MUCL1: variants seen among roughly 807,000 people sequenced by gnomAD.
MUCL1 encodes the protein mucin-like protein 1.
Under a neutral mutation model 9.2 loss-of-function variants are expected in MUCL1, and 11 were observed. The observed-to-expected ratio is 1.19, with a 90% confidence interval of 0.75 to 1.97. The LOEUF (loss-of-function observed/expected upper bound fraction) is 1.97, where lower values mean the gene tolerates loss of function less well. MUCL1 is among the 30% of genes most tolerant of loss of function. The probability of loss-of-function intolerance (pLI) is 0.00; values close to 1 mark genes in which losing one functional copy is unlikely to be tolerated. For missense variants in MUCL1, 144 were observed against 110.9 expected (o/e 1.30, Z -1.34); for synonymous variants, 48 against 40.5 (o/e 1.19, Z -0.71).
chr12:54,833,697 C>T (rs1959188492), intron 1 of MUCL1, among the ~76,000 whole-genome samples: 1 of 151,936 alleles, frequency 6.6e-6, no homozygotes, highest in Admixed American at 6.6e-5. Context: ...TGGAAACCAT[C>T]ATTCTCAGCA....
chr12:54,854,422 A>G (rs2306851), upstream of MUCL1: 116,748 of 578,030 alleles, frequency 0.2, 12,668 homozygotes, highest in Middle Eastern at 0.24. Flanking sequence ...TTGTGTCCCA[A>G]CGTTTCCTGG....
At chr12:54,853,037 C>T (rs145053144), upstream of MUCL1, among the ~76,000 whole-genome samples, 125 of 152,250 alleles carry the variant, frequency 8.2e-4, 3 homozygotes, top group Admixed American at 7.3e-3. Flanking sequence ...CTCTGCCTTT[C>T]TTCATTCACC....
At chr12:54,852,967 C>T (rs1330582986), upstream of MUCL1, among the ~76,000 whole-genome samples, 1 of 152,108 alleles carries the variant, frequency 6.6e-6, no homozygotes, top group Admixed American at 6.6e-5. Context: ...TATGAGTTTA[C>T]CCAGGACAAG....
upstream of MUCL1, among the ~76,000 whole-genome samples, chr12:54,853,479 C>T (rs191976720): frequency 1.2e-4 from 18 of 152,316 alleles, no homozygotes; most frequent in East Asian, 7.7e-4. Context: ...ATGCACTCAC[C>T]ATTGCTTTCC....
chr12:54,843,154 G>A lies in MUCL1; in HGVS notation c.43+3707G>A, dbSNP rs578004111. 7.9e-5 allele frequency among the ~76,000 whole-genome samples: 12 copies of A among 152,252 alleles called. No homozygotes were observed. The East Asian group carries it at 1.2e-3, about 15-fold the overall frequency. On this transcript the variant is annotated intron_variant, in intron 1 of 3. Transcript: ENST00000546809. ...TGAAATCACCTAATCACCTAATGATGTATTTCTCAGGATGTATTCCCATCA... is the reference window on the plus strand; with the variant it reads ...TGAAATCACCTAATCACCTAATGATATATTTCTCAGGATGTATTCCCATCA...
intron 1 of MUCL1, among the ~76,000 whole-genome samples, chr12:54,847,870 G>A (rs1959279309): frequency 6.6e-6 from 1 of 152,010 alleles, no homozygotes; most frequent in Non-Finnish European, 1.5e-5. Context: ...CATGCTTGGG[G>A]CACACATTCA....
intron 1 of MUCL1, among the ~76,000 whole-genome samples, chr12:54,847,664 G>T (rs1959276061): frequency 6.6e-6 from 1 of 152,006 alleles, no homozygotes; most frequent in South Asian, 2.1e-4. Context: ...GAAAGAAAGA[G>T]ACAAGCAAAT....
chr12:54,841,456 A>G (rs1959211094), intron 1 of MUCL1, among the ~76,000 whole-genome samples: 1 of 152,158 alleles, frequency 6.6e-6, no homozygotes, highest in Non-Finnish European at 1.5e-5. Context: ...TTTCACTCCT[A>G]CAAACAGTAT....
chr12:54,832,828 A>G (rs1024426259), intron 1 of MUCL1, among the ~76,000 whole-genome samples: 4 of 152,122 alleles, frequency 2.6e-5, no homozygotes, highest in Non-Finnish European at 4.4e-5. Context: ...CCTAGGTTAC[A>G]TTTGTATAGG....
chr12:54,839,970 C>G (rs1247680407), intron 1 of MUCL1, among the ~76,000 whole-genome samples: 2 of 152,168 alleles, frequency 1.3e-5, no homozygotes, highest in Admixed American at 1.3e-4. Flanking sequence ...AGTTCTGGGA[C>G]TCAAGGCCTG....
At chr12:54,856,001 G>C (rs1012352527) in intron 2 of MUCL1, among the ~76,000 whole-genome samples, 3 of 152,224 alleles carry the variant, frequency 2.0e-5, no homozygotes, top group Non-Finnish European at 4.4e-5. Flanking sequence ...ACTCACAAAT[G>C]TGGGGCCTGA....
chr12:54,848,404 T>C (rs770398758), intron 1 of MUCL1, among the ~76,000 whole-genome samples: 4 of 152,184 alleles, frequency 2.6e-5, no homozygotes, highest in Admixed American at 6.5e-5. Flanking sequence ...TTATCACAGT[T>C]ATAAGATGAC....
At chr12:54,843,857 G>GT (rs980535848) in intron 1 of MUCL1, among the ~76,000 whole-genome samples, 2 of 152,164 alleles carry the variant, frequency 1.3e-5, no homozygotes, top group Non-Finnish European at 2.9e-5. Context: ...ATACATTTAT[G>GT]TTTTTTGAAG....
At chr12:54,836,250 T>C (rs746569279), upstream of MUCL1, among the ~76,000 whole-genome samples, 14 of 152,216 alleles carry the variant, frequency 9.2e-5, no homozygotes, top group Non-Finnish European at 1.9e-4. Context: ...ACTTTTAAAT[T>C]ACTAATTCAG....
chr12:54,839,647 G>A (rs932289018), intron 1 of MUCL1, among the ~76,000 whole-genome samples: 1 of 152,146 alleles, frequency 6.6e-6, no homozygotes, highest in Non-Finnish European at 1.5e-5. Context: ...GATCAGACAG[G>A]TACCTCTTTT....
chr12:54,847,533 T>C (rs573511398), intron 1 of MUCL1, among the ~76,000 whole-genome samples: 1 of 152,282 alleles, frequency 6.6e-6, no homozygotes, highest in South Asian at 2.1e-4. Flanking sequence ...GAGAATTGCT[T>C]GAACCCAGGA....
intron 1 of MUCL1, among the ~76,000 whole-genome samples, chr12:54,845,128 A>G (rs367659134): frequency 6.6e-6 from 1 of 152,210 alleles, no homozygotes; most frequent in African/African-American, 2.4e-5. Context: ...ATGCCCACAC[A>G]TGGCCTTTCT....
chr12:54,852,106 C>T (rs539778004), upstream of MUCL1, among the ~76,000 whole-genome samples: 6 of 152,230 alleles, frequency 3.9e-5, no homozygotes, highest in East Asian at 1.2e-3. Flanking sequence ...GATTCAATGC[C>T]ATCCCCATCA....
At chr12:54,834,501 G>A (rs1959189694), upstream of MUCL1, among the ~76,000 whole-genome samples, 1 of 151,776 alleles carries the variant, frequency 6.6e-6, no homozygotes, top group Non-Finnish European at 1.5e-5. Flanking sequence ...TTAAAGTTTT[G>A]TATATTTAAG....
Sources: allele counts gnomAD v4.1 joint callset (sites outside exome capture counted in the v4.1 genomes callset), GRCh38; gene constraint gnomAD v4.1.1; transcripts MANE v1.5; gene names NCBI Gene and HGNC (gene_info 2026-07-23, HGNC 2026-07-21).